Variants in SEMA3B observed in about 807,000 individuals in gnomAD.
SEMA3B encodes the protein semaphorin-3B.
A neutral mutation model predicts 77.8 loss-of-function variants in SEMA3B; 71 were observed. That is an observed-to-expected ratio of 0.91 (90% CI 0.75 to 1.11). SEMA3B has a LOEUF of 1.11. Among genes scored for constraint, SEMA3B ranks in the 50% most tolerant of loss-of-function variants. The pLI, the probability that SEMA3B is intolerant of heterozygous loss-of-function variation, is 0.00. For missense variants in SEMA3B, 968 were observed against 1,056.8 expected, an observed-to-expected ratio of 0.92 and a Z score of 1.17; for synonymous variants, 470 against 452.9, an observed-to-expected ratio of 1.04 and a Z score of -0.48.
chr3:50,274,496 T>C lies in SEMA3B; in HGVS notation c.1271T>C (p.Val424Ala), dbSNP rs1553706116. Residue 424 changes from valine to alanine, a missense_variant, in exon 11 of 17, where the codon GTT (valine) becomes GCT (alanine). Coordinates refer to ENST00000616701, the MANE Select transcript of SEMA3B (RefSeq NM_001290060.2). This position sits in a 1 kb window ranked among gnomAD's most constrained non-coding sequence, Gnocchi z 4.7. Reference sequence around the variant, plus strand: ...GGGGGGCGCCCTCTTTTCCTACAAGTTGGAGCCAATTACACCTTCACTCAA... The same window carrying C: ...GGGGGGCGCCCTCTTTTCCTACAAGCTGGAGCCAATTACACCTTCACTCAA... ...PTGGRPLFLQ[V>A]GANYTFTQIA... 1.9e-6 allele frequency: 3 copies of C among 1,564,364 alleles called. No individual in the cohort carries two copies. The highest frequency in any genetic ancestry group is 4.5e-5 in the East Asian group (2 of 43,986).
In SEMA3B at chr3:50,270,129, C is replaced by A; in HGVS notation, c.112C>A (p.Leu38Ile). 1 of 1,550,074 alleles carries A rather than the reference C, an allele frequency of 6.5e-7. No homozygotes were observed. The highest frequency in any genetic ancestry group is 8.7e-7 in the Non-Finnish European group (1 of 1,148,064). The change falls in exon 2 of 17, where the codon CTC (leucine) becomes ATC (isoleucine). Residue 38 changes from leucine to isoleucine, a missense_variant and splice_region_variant. Leu to Ile is a conservative substitution (Grantham distance 5, BLOSUM62 2). Transcript: ENST00000616701. This position sits in a 1 kb window ranked among gnomAD's most constrained non-coding sequence, Gnocchi z 4.7. The part of the protein sequence containing the change: ...PPRLRLSFQE[L>I]QAWHGLQTFS... ...ATCAGCAGTGTCCTGCCCTGCAGAG[C>A]TCCAGGCCTGGCATGGTCTCCAGAC...
Position 50,274,728 on chromosome 3 carries a change from A to G in SEMA3B, c.1358-115A>G, listed in dbSNP as rs1701172215. ...GATGCTGCCCAACCCACACTCTTCC[A>G]GTCCACACTCTTCACAACCCAAACA... On this transcript the variant is annotated intron_variant, in intron 11 of 16. Transcript: ENST00000616701. The surrounding 1 kb of genome is among the most constrained non-coding windows in gnomAD (Gnocchi z 4.7). The G allele has an allele frequency of 2.1e-6, 3 of 1,403,598 alleles. No individual in the cohort carries two copies. The East Asian group carries it at 7.2e-5, about 34-fold the overall frequency. The allele number at this position is 1,403,598 out of a possible 1,614,324, so 86.9% of individuals were successfully genotyped here. A position where few individuals can be genotyped will look rare whatever the true frequency, so the allele number is the denominator to read the frequency against.
chr3:50,274,563 C>T lies in SEMA3B; in HGVS notation c.1338C>T (p.Asp446=), dbSNP rs782477270. Residue 446 remains aspartate (D), a synonymous_variant, in exon 11 of 17, where the codon GAC becomes GAT. Coordinates refer to ENST00000616701, the MANE Select transcript of SEMA3B (RefSeq NM_001290060.2). This position sits in a 1 kb window ranked among gnomAD's most constrained non-coding sequence, Gnocchi z 4.7. The stretch of plus-strand genomic sequence containing the variant: ...TTGCAGCCGCTGACGGACACTATGA[C>T]GTCCTCTTCATTGGCACAGGTCAGG... The part of the protein sequence containing the change: ...DRVAAADGHY[D]VLFIGTDVGT... The T allele has an allele frequency of 6.5e-7, 1 of 1,543,780 alleles. No homozygotes were observed.
rs1175955451 is a variant in SEMA3B, at chr3:50,276,091, C to G, written c.1846-211C>G. On this transcript the variant is annotated intron_variant, in intron 16 of 16. Transcript: ENST00000616701. This position sits in a 1 kb window ranked among gnomAD's most constrained non-coding sequence, Gnocchi z 5.8. ...CCCATTAAGGTCCCTGACCACCCCC[C>G]ACCAAGTTCATGTAAACCCCGCCTC... is the stretch of plus-strand genomic sequence containing the variant. The G allele has an allele frequency of 5.0e-5, 39 of 782,068 alleles. No homozygotes were observed. In the Admixed American group the frequency reaches 1.2e-3, roughly 24 times the overall value. 48.4% of individuals were successfully genotyped at this position (782,068 alleles called of 1,614,324 possible). A position where few individuals can be genotyped will look rare whatever the true frequency, so the allele number is the denominator to read the frequency against.
rs1701217130 is a variant in SEMA3B at position 50,275,782 on chromosome 3, C to G, written c.1783C>G (p.Arg595Gly). Residue 595 changes from arginine to glycine, a missense_variant, in exon 16 of 17, where the codon CGC becomes GGC. Transcript: ENST00000616701. The surrounding 1 kb of genome is among the most constrained non-coding windows in gnomAD (Gnocchi z 7.5). ...GSSAFLECEP[R>G]SLQARVEWTF... is the part of the protein sequence containing the mutation. ...CAGCGCCTTTCTGGAGTGTGAGCCC[C>G]GCTCGCTGCAGGCGCGCGTGGAGTG... The G allele has an allele frequency of 6.2e-7, 1 of 1,612,616 alleles. No individual in the cohort carries two copies. The highest frequency in any genetic ancestry group is 8.5e-7 in the Non-Finnish European group (1 of 1,179,816).
chr3:50,274,745 A>G lies in SEMA3B; in HGVS notation c.1358-98A>G, dbSNP rs1575473150. On this transcript the variant is annotated intron_variant, in intron 11 of 16. Coordinates refer to ENST00000616701, the MANE Select transcript of SEMA3B (RefSeq NM_001290060.2). The surrounding 1 kb of genome is among the most constrained non-coding windows in gnomAD (Gnocchi z 4.7). ...ACTCTTCCAGTCCACACTCTTCACA[A>G]CCCAAACATGCTGAGGGTAGACGCC... 1.5e-5 allele frequency: 22 copies of G among 1,455,706 alleles called. 1 individual carries two copies. The South Asian group carries it at 2.5e-4, about 16-fold the overall frequency. The allele number at this position is 1,455,706 out of a possible 1,614,324, so 90.2% of individuals were successfully genotyped here.
In SEMA3B at chr3:50,274,492, C is replaced by G. The variant is rs776500483; in HGVS notation, c.1267C>G (p.Gln423Glu). 5 of 1,562,444 alleles carry G rather than the reference C, an allele frequency of 3.2e-6. No individual in the cohort carries two copies. ...CACTGGGGGGCGCCCTCTTTTCCTA[C>G]AAGTTGGAGCCAATTACACCTTCAC... is the stretch of plus-strand genomic sequence containing the variant. ...LPTGGRPLFL[Q>E]VGANYTFTQI... The change falls in exon 11 of 17, where the codon CAA becomes GAA. Residue 423 changes from glutamine to glutamate, a missense_variant. By Grantham distance (29) the Gln-to-Glu change is conservative. Coordinates refer to ENST00000616701, the MANE Select transcript of SEMA3B (RefSeq NM_001290060.2). This position sits in a 1 kb window ranked among gnomAD's most constrained non-coding sequence, Gnocchi z 4.7.
chr3:50,276,624 C>G lies in SEMA3B; in HGVS notation c.2168C>G (p.Ser723Trp), dbSNP rs782576016. The stretch of plus-strand genomic sequence containing the variant: ...GCGCTGCAGTCACTGCCCCTGGAGT[C>G]GCGGAGAAAGGGCCGTAACCGGAGG... ...QPALQSLPLESRRKGRNRRTH... is the reference protein window; with the variant it reads ...QPALQSLPLEWRRKGRNRRTH... Residue 723 changes from serine to tryptophan, a missense_variant, in exon 17 of 17, where the codon TCG (serine) becomes TGG (tryptophan). Coordinates refer to ENST00000616701, the MANE Select transcript of SEMA3B (RefSeq NM_001290060.2). This position sits in a 1 kb window ranked among gnomAD's most constrained non-coding sequence, Gnocchi z 5.8. 1.3e-5 allele frequency: 20 copies of G among 1,592,470 alleles called. No homozygotes were observed. In the Admixed American group the frequency reaches 3.4e-4, roughly 27 times the overall value.
At position 50,275,920 on chromosome 3, in the gene SEMA3B, C is replaced by G; in HGVS notation, c.1845+76C>G. 1 of 1,482,002 alleles carries G rather than the reference C, an allele frequency of 6.7e-7. No individual in the cohort carries two copies. The highest frequency in any genetic ancestry group is 8.9e-7 in the Non-Finnish European group (1 of 1,120,532). The allele number at this position is 1,482,002 out of a possible 1,614,324, so 91.8% of individuals were successfully genotyped here. On this transcript the variant is annotated intron_variant, in intron 16 of 16. Transcript: ENST00000616701. The surrounding 1 kb of genome is among the most constrained non-coding windows in gnomAD (Gnocchi z 7.5). ...CCAGGAGAGGCCCCGCCCTACCCAACGAAGCCCCGTCCAACCAGACCCACT... is the reference window on the plus strand; with the variant it reads ...CCAGGAGAGGCCCCGCCCTACCCAAGGAAGCCCCGTCCAACCAGACCCACT...
Position 50,276,476 on chromosome 3 carries a change from G to A in SEMA3B, c.2020G>A (p.Ala674Thr), listed in dbSNP as rs1256809668. 6.5e-7 allele frequency: 1 copy of A among 1,531,544 alleles called. No individual in the cohort carries two copies. The highest frequency in any genetic ancestry group is 8.7e-7 in the Non-Finnish European group (1 of 1,143,646). The allele number at this position is 1,531,544 out of a possible 1,614,324, so 94.9% of individuals were successfully genotyped here. Residue 674 changes from alanine (A) to threonine (T), a missense_variant, in exon 17 of 17, where the codon GCC becomes ACC. Ala to Thr is a moderately conservative substitution (Grantham distance 58). Coordinates refer to ENST00000616701, the MANE Select transcript of SEMA3B (RefSeq NM_001290060.2). The surrounding 1 kb of genome is among the most constrained non-coding windows in gnomAD (Gnocchi z 5.8). ...TACGCAGGCCGAACGACTGGCGCGG[G>A]CCGAGGAGGCTGCGCCCGCCGCGCC... ...SATQAERLAR[A>T]EEAAPAAPPG...
At chr3:50,268,180 T>G (rs1700950123), upstream of SEMA3B, among the ~76,000 whole-genome samples, 1 of 152,178 alleles carries the variant, frequency 6.6e-6, no homozygotes, top group Non-Finnish European at 1.5e-5. Flanking sequence ...CTTGCCCCTC[T>G]TTGATTCCTC....
upstream of SEMA3B, among the ~76,000 whole-genome samples, chr3:50,263,873 G>A (rs1195719483): frequency 2.0e-5 from 3 of 151,944 alleles, no homozygotes; most frequent in Non-Finnish European, 2.9e-5. Flanking sequence ...GGGGTCAAGA[G>A]AACCCTGGGG....
chr3:50,272,117 A>G (rs928033375), intron 6 of SEMA3B, among the ~76,000 whole-genome samples: 2 of 151,836 alleles, frequency 1.3e-5, no homozygotes, highest in South Asian at 2.1e-4. Context: ...AATAAAATAA[A>G]ATTAGCTGGG....
chr3:50,273,442 G>C lies in SEMA3B; in HGVS notation c.809G>C (p.Arg270Pro). 1.2e-6 allele frequency: 2 copies of C among 1,613,250 alleles called. No individual in the cohort carries two copies. The highest frequency in any genetic ancestry group is 1.1e-5 in the South Asian group (1 of 91,054). ...GTGTCCCGCGTTGGCCAGATCTGCC[G>C]GGTGAGGAGTCCCTGGGCCACACCC... Reference protein sequence around the residue: ...LSVSRVGQICRNDVGGQRSLV... With the variant: ...LSVSRVGQICPNDVGGQRSLV... Residue 270 changes from arginine (R) to proline (P), a missense_variant and splice_region_variant, in exon 7 of 17, where the codon CGG becomes CCG. Coordinates refer to ENST00000616701, the MANE Select transcript of SEMA3B (RefSeq NM_001290060.2). The surrounding 1 kb of genome is among the most constrained non-coding windows in gnomAD (Gnocchi z 6.5).
chr3:50,273,183 A>G lies in SEMA3B; in HGVS notation c.665-115A>G. 1 of 1,438,830 alleles carries G rather than the reference A, an allele frequency of 7.0e-7. No individual in the cohort carries two copies. Among genetic ancestry groups the G allele is most frequent in the Non-Finnish European group, 9.3e-7 (1 of 1,073,510 alleles). 89.1% of individuals were successfully genotyped at this position (1,438,830 alleles called of 1,614,324 possible). On this transcript the variant is annotated intron_variant, in intron 6 of 16. Coordinates refer to ENST00000616701, the MANE Select transcript of SEMA3B (RefSeq NM_001290060.2). The surrounding 1 kb of genome is among the most constrained non-coding windows in gnomAD (Gnocchi z 6.5). The stretch of plus-strand genomic sequence containing the variant: ...ACATGGTGCTAGAGGTTGGGTGGTC[A>G]GACACTGTGATCCCGGGTGCTGTGC...
upstream of SEMA3B, among the ~76,000 whole-genome samples, chr3:50,264,643 T>C (rs970867921): frequency 2.0e-5 from 3 of 152,102 alleles, no homozygotes; most frequent in African/African-American, 7.2e-5. Flanking sequence ...CCCTAGCCAG[T>C]TAGGAGAATG....
In SEMA3B at chr3:50,269,189, A is replaced by G; in HGVS notation, c.-52A>G. The G allele has an allele frequency of 1.5e-6, 2 of 1,345,028 alleles. No homozygotes were observed. The highest frequency in any genetic ancestry group is 2.5e-5 in the South Asian group (2 of 79,978). The allele number at this position is 1,345,028 out of a possible 1,614,324, so 83.3% of individuals were successfully genotyped here. ...CTGGGGCAGAGTCCAGGGCAGCTCA[A>G]GGCTCCTCCACACACACACCCGCTG... On this transcript the variant is annotated 5_prime_UTR_variant, in exon 1 of 17. Transcript: ENST00000616701. The surrounding 1 kb of genome is among the most constrained non-coding windows in gnomAD (Gnocchi z 4.0).
In SEMA3B at chr3:50,276,677, C is replaced by A; in HGVS notation, c.2221C>A (p.Arg741=). Residue 741 remains arginine, a synonymous_variant, in exon 17 of 17, where the codon CGG becomes AGG. Transcript: ENST00000616701. This position sits in a 1 kb window ranked among gnomAD's most constrained non-coding sequence, Gnocchi z 5.8. ...CCACGCCCCTGAGCCTCGCGCTGAG[C>A]GGGGGCCGCGCAGCGCAACGCACTG... is the stretch of plus-strand genomic sequence containing the variant. ...RTHAPEPRAE[R]GPRSATHW 6.4e-7 allele frequency: 1 copy of A among 1,558,392 alleles called. No homozygotes were observed.
rs782564029 is a variant in SEMA3B, at chr3:50,273,701, G to A, written c.922+55G>A. 4 of 1,599,154 alleles carry A rather than the reference G, an allele frequency of 2.5e-6. No individual in the cohort carries two copies. In the South Asian group the frequency reaches 4.4e-5, roughly 18 times the overall value. On this transcript the variant is annotated intron_variant, in intron 8 of 16. Coordinates refer to ENST00000616701, the MANE Select transcript of SEMA3B (RefSeq NM_001290060.2). This position sits in a 1 kb window ranked among gnomAD's most constrained non-coding sequence, Gnocchi z 6.5. The stretch of plus-strand genomic sequence containing the variant: ...GAGGGGGGCAGCGGCGCAGACTCCG[G>A]GAGCCCCCGCCGCAGCGGGGCTGTG...
Sources: allele counts gnomAD v4.1 joint callset (sites outside exome capture counted in the v4.1 genomes callset), GRCh38; gene constraint gnomAD v4.1.1; non-coding constraint Gnocchi (gnomAD v3.1); transcripts MANE v1.5; gene names NCBI Gene and HGNC (gene_info 2026-07-23, HGNC 2026-07-21).